Variants in CIT observed in about 807,000 individuals in gnomAD.
CIT encodes the protein citron rho-interacting serine/threonine kinase, also known as citron Rho-interacting kinase.
In CIT, 79 loss-of-function variants were observed where a neutral mutation model predicts 272.7. The ratio of observed to expected loss-of-function variants is 0.29; its 90% CI spans 0.24 to 0.35. The LOEUF (loss-of-function observed/expected upper bound fraction) is 0.35, where lower values mean the gene tolerates loss of function less well. CIT is among the 10% of genes least tolerant of loss of function. CIT has a pLI of 1.00. For synonymous variants in CIT, 948 were observed against 995.6 expected (o/e 0.95, Z 0.90); for missense variants, 1,909 against 2,618.3 (o/e 0.73, Z 5.91).
At chr12:119,864,485 G>A (rs1018614678) in intron 3 of CIT, among the ~76,000 whole-genome samples, 24 of 152,086 alleles carry the variant, frequency 1.6e-4, no homozygotes, top group African/African-American at 4.6e-4. Flanking sequence ...ACAGATGTGC[G>A]TCCCCATGCC....
chr12:119,784,881 G>T lies in CIT; in HGVS notation c.1401+79C>A. On this transcript the variant is annotated intron_variant, in intron 11 of 47. Coordinates refer to ENST00000392521, the MANE Select transcript of CIT (RefSeq NM_001206999.2). This position sits in a 1 kb window ranked among gnomAD's most constrained non-coding sequence, Gnocchi z 4.7. ...GATCAGGCGGCTCAGAGCCAGCAGC[G>T]GCCCCGGGCGGATCCCTTGGCATAT... 1 of 1,550,722 alleles carries T rather than the reference G, an allele frequency of 6.4e-7. No homozygotes were observed. Among genetic ancestry groups the T allele is most frequent in the Non-Finnish European group, 8.7e-7 (1 of 1,148,272 alleles).
At chr12:119,754,194 T>C (rs1960639658) in intron 22 of CIT, among the ~76,000 whole-genome samples, 1 of 152,164 alleles carries the variant, frequency 6.6e-6, no homozygotes, top group Non-Finnish European at 1.5e-5. Context: ...ATAAGCAAAC[T>C]GTGGCACTGA....
chr12:119,749,024 T>C lies in CIT; in HGVS notation c.2904+3026A>G, dbSNP rs1423515709. On this transcript the variant is annotated intron_variant, in intron 23 of 47. Coordinates refer to ENST00000392521, the MANE Select transcript of CIT (RefSeq NM_001206999.2). Reference sequence around the variant, plus strand: ...TACGGAAGTATCTTAAAAGCATGTTTCTGTTTAAATTTGACAGGATGGGTG... The same window carrying C: ...TACGGAAGTATCTTAAAAGCATGTTCCTGTTTAAATTTGACAGGATGGGTG... Among the ~76,000 whole-genome samples the C allele has an allele frequency of 2.6e-5, 4 of 152,230 alleles. No individual in the cohort carries two copies. In the East Asian group the frequency reaches 7.7e-4, roughly 29 times the overall value.
intron 25 of CIT, 48 bp downstream of exon 25, chr12:119,735,110 TCC>T: frequency 6.3e-7 from 1 of 1,587,714 alleles, no homozygotes; most frequent in Middle Eastern, 2.2e-4. Flanking sequence ...ACTCCTAAAA[TCC>T]TTCTAAAAGT....
intron 7 of CIT, among the ~76,000 whole-genome samples, chr12:119,831,528 C>T (rs1369054223): frequency 6.6e-6 from 1 of 152,110 alleles, no homozygotes; most frequent in Non-Finnish European, 1.5e-5. Flanking sequence ...AACTCCAAGC[C>T]TTTTCTTAAC....
intron 6 of CIT, 43 bp from the exon 7 acceptor site, chr12:119,832,907 T>G (rs761083651): frequency 6.9e-7 from 1 of 1,457,138 alleles, no homozygotes; most frequent in South Asian, 1.1e-5. Flanking sequence ...TCCATCCCAA[T>G]CAGCAAGCAA....
intron 4 of CIT, among the ~76,000 whole-genome samples, chr12:119,851,703 T>A (rs750483029): frequency 3.9e-5 from 6 of 152,204 alleles, no homozygotes; most frequent in Non-Finnish European, 8.8e-5. Flanking sequence ...TATAAAATAT[T>A]TCCATCACTT....
At chr12:119,857,806 T>C (rs536287616) in intron 3 of CIT, 108 bp from the exon 4 acceptor site, 5 of 964,408 alleles carry the variant, frequency 5.2e-6, no homozygotes, top group Non-Finnish European at 6.1e-6. Context: ...CTTCCCTCAC[T>C]GTCAAAGACA....
At chr12:119,719,472 C>T (rs770504881) in intron 30 of CIT, among the ~76,000 whole-genome samples, 33 of 151,890 alleles carry the variant, frequency 2.2e-4, no homozygotes, top group Non-Finnish European at 3.7e-4. Flanking sequence ...AGTGACATAA[C>T]CAGGTAACAG....
At chr12:119,767,009 C>T in intron 19 of CIT, 78 bp downstream of exon 19, 2 of 1,033,934 alleles carry the variant, frequency 1.9e-6, no homozygotes, top group East Asian at 2.7e-5. Context: ...CAAGAAATGG[C>T]CACAAGGGCC....
intron 28 of CIT, among the ~76,000 whole-genome samples, chr12:119,727,772 A>G (rs962826396): frequency 7.2e-5 from 11 of 152,256 alleles, no homozygotes; most frequent in African/African-American, 2.6e-4. Context: ...CTACAAAACA[A>G]TACAAAAATT....
intron 27 of CIT, among the ~76,000 whole-genome samples, chr12:119,729,772 A>G (rs1437778269): frequency 1.3e-5 from 2 of 152,234 alleles, no homozygotes; most frequent in Admixed American, 6.5e-5. Context: ...ATGAAATAAC[A>G]AAGTTATAGA....
chr12:119,838,348 C>G (rs767032131), intron 5 of CIT, among the ~76,000 whole-genome samples: 1 of 152,160 alleles, frequency 6.6e-6, no homozygotes, highest in Non-Finnish European at 1.5e-5. Flanking sequence ...GCTGGGATTA[C>G]AGGTGTGAGC....
intron 4 of CIT, among the ~76,000 whole-genome samples, chr12:119,854,719 G>A (rs1018079957): frequency 6.6e-6 from 1 of 150,682 alleles, no homozygotes; most frequent in African/African-American, 2.4e-5. Context: ...GGGAGGCCGA[G>A]GCAGGCAGAT....
chr12:119,875,995 A>G (rs1950832177), intron 2 of CIT, 78 bp downstream of exon 2: 1 of 900,694 alleles, frequency 1.1e-6, no homozygotes, highest in Non-Finnish European at 1.8e-6. Context: ...ATAAACAAAT[A>G]AATAAAAGCA....
intron 3 of CIT, among the ~76,000 whole-genome samples, chr12:119,862,854 A>AAAAAC: frequency 6.8e-6 from 1 of 147,022 alleles, no homozygotes; most frequent in East Asian, 2.0e-4. Context: ...AAAACCAAAA[A>AAAAAC]AAAAAACGAG....
chr12:119,792,150 C>T (rs142165140), intron 10 of CIT, among the ~76,000 whole-genome samples: 1 of 152,292 alleles, frequency 6.6e-6, no homozygotes, highest in Non-Finnish European at 1.5e-5. Context: ...TGATTAAGTT[C>T]GTGCTTAAGC....
intron 10 of CIT, among the ~76,000 whole-genome samples, chr12:119,794,936 G>C (rs573468533): frequency 1.2e-3 from 184 of 152,322 alleles, no homozygotes; most frequent in African/African-American, 4.0e-3. Context: ...TGAGGGAATT[G>C]AGGCTGAAAG....
intron 4 of CIT, among the ~76,000 whole-genome samples, chr12:119,854,780 C>A (rs560034279): frequency 1.1e-4 from 16 of 152,022 alleles, no homozygotes; most frequent in African/African-American, 3.1e-4. Context: ...GAAACCCCCC[C>A]TCTGCACTAA....
Sources: allele counts gnomAD v4.1 joint callset (sites outside exome capture counted in the v4.1 genomes callset), GRCh38; gene constraint gnomAD v4.1.1; non-coding constraint Gnocchi (gnomAD v3.1); transcripts MANE v1.5; gene names NCBI Gene and HGNC (gene_info 2026-07-23, HGNC 2026-07-21).